Variants in RGL1 observed in about 807,000 individuals in gnomAD.
RGL1 encodes the protein ral guanine nucleotide dissociation stimulator-like 1.
A neutral mutation model predicts 95.2 loss-of-function variants in RGL1; 24 were observed. That is an observed-to-expected ratio of 0.25 (90% CI 0.18 to 0.35). RGL1 has a LOEUF of 0.35. Ranked by LOEUF, RGL1 falls within the 10% of genes least tolerant of loss-of-function variation. The probability of loss-of-function intolerance (pLI) is 1.00; values close to 1 mark genes in which losing one functional copy is unlikely to be tolerated. For missense variants in RGL1, 715 were observed against 936.3 expected, an observed-to-expected ratio of 0.76 and a Z score of 3.08; for synonymous variants, 329 against 344.9, an observed-to-expected ratio of 0.95 and a Z score of 0.51.
At chr1:183,898,581 C>T (rs1667838119) in intron 10 of RGL1, among the ~76,000 whole-genome samples, 1 of 152,204 alleles carries the variant, frequency 6.6e-6, no homozygotes, top group Admixed American at 6.5e-5. Flanking sequence ...AGAGGGTTTT[C>T]TCTTTCTTTG....
At chr1:183,917,835 G>A (rs1669069295) in intron 16 of RGL1, among the ~76,000 whole-genome samples, 1 of 152,208 alleles carries the variant, frequency 6.6e-6, no homozygotes, top group Non-Finnish European at 1.5e-5. Flanking sequence ...CTTGTTGAAG[G>A]CTTTTAAGTA....
intron 8 of RGL1, among the ~76,000 whole-genome samples, chr1:183,891,771 C>T (rs1223877703): frequency 7.6e-6 from 1 of 132,024 alleles, no homozygotes; most frequent in Non-Finnish European, 1.6e-5. Flanking sequence ...GTTTAACTCA[C>T]TGAGAAGAAC....
intron 2 of RGL1, among the ~76,000 whole-genome samples, chr1:183,781,532 C>A (rs754807627): frequency 3.1e-4 from 47 of 152,164 alleles, no homozygotes; most frequent in Non-Finnish European, 6.2e-4. Flanking sequence ...TAAGCTATTT[C>A]TCCACCCCAT....
At chr1:183,819,760 A>C (rs1378224957) in intron 2 of RGL1, among the ~76,000 whole-genome samples, 5 of 151,724 alleles carry the variant, frequency 3.3e-5, no homozygotes, top group African/African-American at 1.2e-4. Context: ...GCCATTCTTA[A>C]AAGAGTGTTG....
intron 1 of RGL1, among the ~76,000 whole-genome samples, chr1:183,689,319 G>A (rs12068011): frequency 0.031 from 4,738 of 152,252 alleles, 208 homozygotes; most frequent in African/African-American, 0.1. Context: ...GGAGGCTCAT[G>A]CCAGGGCTGA....
At chr1:183,729,714 A>C (rs1656517873) in intron 1 of RGL1, among the ~76,000 whole-genome samples, 1 of 152,226 alleles carries the variant, frequency 6.6e-6, no homozygotes. Context: ...CCAAACTGGA[A>C]ACAACACAAA....
intron 4 of RGL1, among the ~76,000 whole-genome samples, chr1:183,873,139 T>C (rs1214284534): frequency 6.6e-6 from 1 of 152,158 alleles, no homozygotes; most frequent in Non-Finnish European, 1.5e-5. Flanking sequence ...AAAACAACAT[T>C]GATAATCAAT....
chr1:183,719,294 C>T (rs889352198), intron 1 of RGL1, among the ~76,000 whole-genome samples: 1 of 152,224 alleles, frequency 6.6e-6, no homozygotes, highest in Admixed American at 6.5e-5. Context: ...ACTTACTGAG[C>T]AGTCCTGCAC....
chr1:183,698,849 C>T (rs182727969), intron 1 of RGL1, among the ~76,000 whole-genome samples: 1 of 152,090 alleles, frequency 6.6e-6, no homozygotes, highest in Non-Finnish European at 1.5e-5. Flanking sequence ...GACTTGGTCA[C>T]GTTGTGAATG....
intron 13 of RGL1, among the ~76,000 whole-genome samples, chr1:183,905,665 A>T (rs1668276965): frequency 6.6e-6 from 1 of 152,122 alleles, no homozygotes; most frequent in Non-Finnish European, 1.5e-5. Flanking sequence ...AAATAGTGGG[A>T]TGGGCATAGA....
At chr1:183,819,483 G>C (rs559197628) in intron 2 of RGL1, among the ~76,000 whole-genome samples, 1 of 152,234 alleles carries the variant, frequency 6.6e-6, no homozygotes, top group South Asian at 2.1e-4. Context: ...TCTTTATTCT[G>C]TGGTTTTACA....
intron 1 of RGL1, among the ~76,000 whole-genome samples, chr1:183,726,221 C>T (rs551391900): frequency 6.6e-6 from 1 of 152,064 alleles, no homozygotes; most frequent in South Asian, 2.1e-4. Context: ...ACAGGCCAAG[C>T]TTCCATCATA....
intron 3 of RGL1, among the ~76,000 whole-genome samples, chr1:183,858,758 T>C (rs1373666707): frequency 1.3e-5 from 2 of 152,218 alleles, no homozygotes; most frequent in African/African-American, 4.8e-5. Flanking sequence ...AACACAATTC[T>C]TTTGCCTTTG....
intron 1 of RGL1, among the ~76,000 whole-genome samples, chr1:183,657,219 C>A (rs1424902813): frequency 6.6e-6 from 1 of 152,040 alleles, no homozygotes; most frequent in Non-Finnish European, 1.5e-5. Context: ...AGACATCTTT[C>A]CATTTCTTTG....
intron 1 of RGL1, among the ~76,000 whole-genome samples, chr1:183,702,354 G>A (rs1032231830): frequency 7.9e-5 from 12 of 152,210 alleles, no homozygotes; most frequent in African/African-American, 2.9e-4. Flanking sequence ...GGGAGGTGGT[G>A]ATGGGACTTT....
chr1:183,748,635 T>C (rs930733396), intron 2 of RGL1, among the ~76,000 whole-genome samples: 1 of 152,124 alleles, frequency 6.6e-6, no homozygotes. Flanking sequence ...CTCGATCTCC[T>C]GACCTCGTGA....
chr1:183,658,240 C>T (rs149128051), intron 1 of RGL1, among the ~76,000 whole-genome samples: 26 of 151,892 alleles, frequency 1.7e-4, no homozygotes, highest in African/African-American at 4.8e-4. Flanking sequence ...ATGCGCCAGC[C>T]GAAGCAGGGC....
At chr1:183,874,196 C>T (rs1666351229) in intron 4 of RGL1, among the ~76,000 whole-genome samples, 1 of 130,682 alleles carries the variant, frequency 7.7e-6, no homozygotes, top group Admixed American at 7.4e-5. Flanking sequence ...TCTTATTTTA[C>T]AGAGGAGGAA....
At chr1:183,722,607 G>A (rs1656074862) in intron 1 of RGL1, among the ~76,000 whole-genome samples, 1 of 152,036 alleles carries the variant, frequency 6.6e-6, no homozygotes, top group African/African-American at 2.4e-5. Context: ...TTCCATACAG[G>A]GAACAACATA....
Sources: gnomAD v4.1 joint callset for allele counts (sites outside exome capture counted in the v4.1 genomes callset) on GRCh38, gnomAD v4.1.1 for gene constraint, MANE v1.5 for transcripts, NCBI Gene and HGNC (gene_info 2026-07-23, HGNC 2026-07-21) for gene names.